Variants in RIN3 observed in about 807,000 individuals in gnomAD.
The protein encoded by RIN3 is Ras and Rab interactor 3.
Under a neutral mutation model 76.3 loss-of-function variants are expected in RIN3, and 54 were observed. The observed-to-expected ratio is 0.71, with a 90% confidence interval of 0.57 to 0.89. The LOEUF (loss-of-function observed/expected upper bound fraction) is 0.89. RIN3 is among the 40% of genes least tolerant of loss of function. The pLI, the probability that RIN3 is intolerant of heterozygous loss-of-function variation, is 0.00. For missense variants in RIN3, 1,256 were observed against 1,322.1 expected (o/e 0.95, Z 0.78); for synonymous variants, 576 against 564.0 (o/e 1.02, Z -0.30).
intron 4 of RIN3, among the ~76,000 whole-genome samples, chr14:92,618,381 C>G (rs951433227): frequency 6.6e-6 from 1 of 152,128 alleles, no homozygotes; most frequent in Non-Finnish European, 1.5e-5. Context: ...GTTAGCCTTA[C>G]CCCAAGGGTT....
At chr14:92,540,648 G>A (rs970206493) in intron 1 of RIN3, among the ~76,000 whole-genome samples, 1 of 152,180 alleles carries the variant, frequency 6.6e-6, no homozygotes, top group Non-Finnish European at 1.5e-5. Flanking sequence ...GGTAGAACTA[G>A]GAAGCAGCTG....
chr14:92,630,881 C>T (rs1886551851), intron 4 of RIN3, among the ~76,000 whole-genome samples: 1 of 152,190 alleles, frequency 6.6e-6, no homozygotes, highest in Non-Finnish European at 1.5e-5. Flanking sequence ...GTCACCTGAC[C>T]TCTCCTGGCC....
intron 3 of RIN3, among the ~76,000 whole-genome samples, chr14:92,583,034 C>T (rs118095687): frequency 6.6e-6 from 1 of 152,192 alleles, no homozygotes; most frequent in Non-Finnish European, 1.5e-5. Context: ...CCTCAGTTGC[C>T]TTGCCTGTAA....
At chr14:92,633,583 A>G (rs1327444559) in intron 4 of RIN3, among the ~76,000 whole-genome samples, 1 of 152,196 alleles carries the variant, frequency 6.6e-6, no homozygotes, top group Non-Finnish European at 1.5e-5. Context: ...AAGTGGGGGC[A>G]GTCTTGGGGG....
intron 7 of RIN3, among the ~76,000 whole-genome samples, chr14:92,662,430 C>G (rs1331523134): frequency 6.6e-6 from 1 of 152,240 alleles, no homozygotes; most frequent in Non-Finnish European, 1.5e-5. Flanking sequence ...CTTGCCGGCT[C>G]TGCCGCTTCT....
At chr14:92,537,508 A>G (rs754909297) in intron 1 of RIN3, among the ~76,000 whole-genome samples, 12 of 152,010 alleles carry the variant, frequency 7.9e-5, no homozygotes, top group Non-Finnish European at 1.5e-4. Context: ...ATAAGTTCCC[A>G]CGATTGCTGG....
chr14:92,540,669 T>G (rs146556312), intron 1 of RIN3, among the ~76,000 whole-genome samples: 1,553 of 152,292 alleles, frequency 0.01, 28 homozygotes, highest in African/African-American at 0.035. Context: ...TGGCTCAGCT[T>G]CACACACGTC....
chr14:92,635,258 T>G (rs1886733416), intron 4 of RIN3, among the ~76,000 whole-genome samples: 1 of 152,236 alleles, frequency 6.6e-6, no homozygotes, highest in Admixed American at 6.5e-5. Flanking sequence ...GACCCCAAAC[T>G]GGGCAATTTG....
chr14:92,536,862 C>CA (rs11414227), intron 1 of RIN3, among the ~76,000 whole-genome samples: 57,148 of 151,824 alleles, frequency 0.38, 11,025 homozygotes, highest in African/African-American at 0.46. Flanking sequence ...GAATGATAAC[C>CA]GAGTAACCTT....
chr14:92,613,151 C>T (rs1263940720), intron 3 of RIN3, among the ~76,000 whole-genome samples: 1 of 152,214 alleles, frequency 6.6e-6, no homozygotes, highest in East Asian at 1.9e-4. Flanking sequence ...AAGGTCCTTC[C>T]TTCCCTTCCC....
chr14:92,561,039 A>AT lies in RIN3; in HGVS notation c.249+5084_249+5085insT, dbSNP rs1435363386. The stretch of plus-strand genomic sequence containing the variant: ...TCTGTCTAAAAAAAAAAAAAAAAAA[A>AT]AAAAAATATATATATATCTGCCATA... On this transcript the variant is annotated intron_variant, in intron 2 of 9. Coordinates refer to ENST00000216487, the MANE Select transcript of RIN3 (RefSeq NM_024832.5). Among the ~76,000 whole-genome samples, 469 of 86,148 alleles carry AT rather than the reference A, an allele frequency of 5.4e-3. 35 individuals carry two copies. The highest frequency in any genetic ancestry group is 8.0e-3 in the Non-Finnish European group (344 of 42,982). 56.5% of individuals were successfully genotyped at this position (86,148 alleles called of 152,430 possible).
In RIN3 at chr14:92,555,753, C is replaced by T. The variant is rs1363627007; in HGVS notation, c.47C>T (p.Pro16Leu). 38 of 1,613,918 alleles carry T rather than the reference C, an allele frequency of 2.4e-5. No homozygotes were observed. The highest frequency in any genetic ancestry group is 1.6e-4 in the Middle Eastern group (1 of 6,076). Residue 16 changes from proline (P) to leucine (L), a missense_variant and splice_region_variant, in exon 2 of 10, where the codon CCG (proline) becomes CTG (leucine). Physicochemically the swap from Pro to Leu is moderately conservative, Grantham distance 98 (BLOSUM62 -3). This residue lies in a region of RIN3 where 610 missense variants were observed against 626.4 expected (regional missense o/e 0.97). Transcript: ENST00000216487. ...GATCATTGAATTCTGTTTTTCAGTC[C>T]GGTTCCAGTTGTTGGCAAAGGAGAG... is the stretch of plus-strand genomic sequence containing the variant. Reference protein sequence around the residue: ...GAPARGDPTGPVPVVGKGEEE... With the variant: ...GAPARGDPTGLVPVVGKGEEE...
intron 3 of RIN3, among the ~76,000 whole-genome samples, chr14:92,602,736 A>G (rs1566862869): frequency 6.6e-6 from 1 of 152,168 alleles, no homozygotes; most frequent in Admixed American, 6.5e-5. Flanking sequence ...GGAGGCAAAC[A>G]ATGACAGTTG....
At position 92,688,075 on chromosome 14, in the gene RIN3, G is replaced by A. The variant is rs1314140671; in HGVS notation, c.2781G>A (p.Val927=). Residue 927 remains valine (V), a synonymous_variant, in exon 10 of 10, where the codon GTG becomes GTA. Transcript: ENST00000216487. ...AGGCGCACCGGCTGTTCGTGCTGGT[G>A]GACGGGCGCTGCTTCCAGCTGGCGG... ...RPQAHRLFVL[V]DGRCFQLADD... is the part of the protein sequence containing the mutation. 4 of 1,605,756 alleles carry A rather than the reference G, an allele frequency of 2.5e-6. No homozygotes were observed. In the Admixed American group the frequency reaches 6.7e-5, roughly 27 times the overall value.
rs957043146 is a variant in RIN3 at position 92,683,987 on chromosome 14, G to A, written c.2468-1000G>A. On this transcript the variant is annotated intron_variant, in intron 8 of 9. Coordinates refer to ENST00000216487, the MANE Select transcript of RIN3 (RefSeq NM_024832.5). Reference sequence around the variant, plus strand: ...ATGCATTTAATCCACCTAACCTACTGAACATCATAGCCTAGTCTACCTTAA... The same window carrying A: ...ATGCATTTAATCCACCTAACCTACTAAACATCATAGCCTAGTCTACCTTAA... Among the ~76,000 whole-genome samples, 7 of 152,214 alleles carry A rather than the reference G, an allele frequency of 4.6e-5. No homozygotes were observed. The East Asian group carries it at 9.7e-4, about 21-fold the overall frequency.
At position 92,600,375 on chromosome 14, in the gene RIN3, G is replaced by A. The variant is rs530906935; in HGVS notation, c.368-15032G>A. Among the ~76,000 whole-genome samples the A allele has an allele frequency of 2.2e-4, 33 of 152,216 alleles. 1 individual carries two copies. The highest frequency in any genetic ancestry group is 7.9e-4 in the African/African-American group (33 of 41,536). On this transcript the variant is annotated intron_variant, in intron 3 of 9. Transcript: ENST00000216487. ...CAGGCTTCCCCGTCCCAAGAGCTGGGGCTGCCCCAGGATGCCTAAGGGGGG... is the reference window on the plus strand; with the variant it reads ...CAGGCTTCCCCGTCCCAAGAGCTGGAGCTGCCCCAGGATGCCTAAGGGGGG...
intron 6 of RIN3, among the ~76,000 whole-genome samples, 187 bp downstream of exon 6, chr14:92,653,262 C>G (rs576540952): frequency 1.3e-5 from 2 of 152,304 alleles, no homozygotes; most frequent in Admixed American, 6.5e-5. Context: ...GGCTCCCCCC[C>G]TTCCCTAGAG....
chr14:92,608,615 A>G (rs1367189041), intron 3 of RIN3, among the ~76,000 whole-genome samples: 2 of 151,644 alleles, frequency 1.3e-5, no homozygotes, highest in African/African-American at 2.4e-5. Context: ...GCTCACTACA[A>G]CCTCTGTCTC....
intron 8 of RIN3, among the ~76,000 whole-genome samples, chr14:92,683,155 G>A (rs563093516): frequency 1.5e-4 from 22 of 151,442 alleles, no homozygotes; most frequent in African/African-American, 4.1e-4. Context: ...CAACAAGAGC[G>A]AAACTCCATC....
Sources: allele counts gnomAD v4.1 joint callset (sites outside exome capture counted in the v4.1 genomes callset), GRCh38; gene constraint gnomAD v4.1.1; regional missense constraint gnomAD v4.1.1; transcripts MANE v1.5; gene names NCBI Gene and HGNC (gene_info 2026-07-23, HGNC 2026-07-21).